Variants in UNC13C observed in about 807,000 individuals in gnomAD.
The protein encoded by UNC13C is protein unc-13 homolog C.
Under a neutral mutation model 245.4 loss-of-function variants are expected in UNC13C, and 174 were observed. That is an observed-to-expected ratio of 0.71 (90% CI 0.63 to 0.80). The LOEUF (loss-of-function observed/expected upper bound fraction) is 0.80, where lower values mean the gene tolerates loss of function less well. Among genes scored for constraint, UNC13C ranks in the 30% least tolerant of loss-of-function variants. The probability of loss-of-function intolerance (pLI) is 0.00; values close to 1 mark genes in which losing one functional copy is unlikely to be tolerated. For synonymous variants in UNC13C, 992 were observed against 895.1 expected, an observed-to-expected ratio of 1.11 and a Z score of -1.93; for missense variants, 2,829 against 2,602.9, an observed-to-expected ratio of 1.09 and a Z score of -1.89.
At chr15:53,888,815 C>G in the UNC13C span, among the ~76,000 whole-genome samples, 1 of 152,150 alleles carries the variant, frequency 6.6e-6, no homozygotes, top group African/African-American at 2.4e-5. Context: ...GTATCTTTTC[C>G]CCATTGCTTA....
chr15:54,203,926 G>A (rs2034623931), intron 4 of UNC13C, among the ~76,000 whole-genome samples: 1 of 130,962 alleles, frequency 7.6e-6, no homozygotes. Flanking sequence ...ATGTATATGT[G>A]TATATATACA....
intron 4 of UNC13C, among the ~76,000 whole-genome samples, chr15:54,162,712 T>C (rs991108354): frequency 3.9e-5 from 6 of 152,222 alleles, no homozygotes; most frequent in African/African-American, 1.4e-4. Flanking sequence ...CAAACTACTT[T>C]ATACTTTAGT....
intron 4 of UNC13C, among the ~76,000 whole-genome samples, chr15:54,176,288 A>G (rs1262801377): frequency 1.3e-5 from 2 of 152,116 alleles, no homozygotes; most frequent in Non-Finnish European, 2.9e-5. Context: ...CATATTGTGG[A>G]CCAGTGGCTT....
At chr15:54,465,405 A>G (rs1391465197) in intron 19 of UNC13C, among the ~76,000 whole-genome samples, 1 of 152,074 alleles carries the variant, frequency 6.6e-6, no homozygotes, top group Non-Finnish European at 1.5e-5. Context: ...ATACTTTGGT[A>G]GATATGATAA....
At position 54,015,830 on chromosome 15, in the gene UNC13C, C is replaced by G. The variant is rs779167860; in HGVS notation, c.2927C>G (p.Ala976Gly). The G allele has an allele frequency of 2.5e-6, 4 of 1,608,514 alleles. No homozygotes were observed. The Admixed American group carries it at 5.1e-5, about 21-fold the overall frequency. The change falls in exon 2 of 33, where the codon GCT (alanine) becomes GGT (glycine). Residue 976 changes from alanine (A) to glycine (G), a missense_variant. Ala to Gly is a moderately conservative substitution (Grantham distance 60, BLOSUM62 0). Coordinates refer to ENST00000260323, the MANE Select transcript of UNC13C (RefSeq NM_001080534.3). Reference protein sequence around the residue: ...KRIRPSFKEAALRAYKKQMAE... With the variant: ...KRIRPSFKEAGLRAYKKQMAE... ...ATTCGTCCTTCTTTCAAAGAAGCAG[C>G]TTTAAGGGCCTATAAAAAGCAAATG...
At chr15:54,458,979 GATT>G (rs1891689754) in intron 19 of UNC13C, among the ~76,000 whole-genome samples, 1 of 151,740 alleles carries the variant, frequency 6.6e-6, no homozygotes, top group African/African-American at 2.4e-5. Flanking sequence ...TTGTGTTATT[GATT>G]TATAGGTCCT....
intron 6 of UNC13C, among the ~76,000 whole-genome samples, chr15:54,237,068 C>T (rs1199642103): frequency 6.6e-6 from 1 of 151,940 alleles, no homozygotes; most frequent in East Asian, 1.9e-4. Context: ...CTCAAGTTAC[C>T]AGCATCGAGT....
At chr15:53,943,035 T>C in the UNC13C span, among the ~76,000 whole-genome samples, 1 of 152,216 alleles carries the variant, frequency 6.6e-6, no homozygotes, top group African/African-American at 2.4e-5. Context: ...CATGTTAGTT[T>C]ATATTTTATT....
intron 19 of UNC13C, among the ~76,000 whole-genome samples, chr15:54,431,887 C>A (rs1237137456): frequency 5.3e-5 from 8 of 151,644 alleles, no homozygotes; most frequent in Non-Finnish European, 4.4e-5. Context: ...GAAAATAATT[C>A]ATATATTCCT....
intron 4 of UNC13C, among the ~76,000 whole-genome samples, chr15:54,231,709 A>G (rs2140817312): frequency 6.6e-6 from 1 of 152,156 alleles, no homozygotes; most frequent in Non-Finnish European, 1.5e-5. Flanking sequence ...ACAGTCAATG[A>G]CATCTTAAAA....
At chr15:53,916,893 C>T in the UNC13C span, among the ~76,000 whole-genome samples, 3 of 152,170 alleles carry the variant, frequency 2.0e-5, no homozygotes, top group Admixed American at 2.0e-4. Flanking sequence ...TCTATATTCT[C>T]AGCAAGCATC....
At chr15:54,524,581 G>GT (rs1176569647) in intron 24 of UNC13C, among the ~76,000 whole-genome samples, 17 of 152,240 alleles carry the variant, frequency 1.1e-4, no homozygotes, top group African/African-American at 4.1e-4. Context: ...CAGTTCCTTA[G>GT]TATCAGAAAA....
intron 4 of UNC13C, among the ~76,000 whole-genome samples, chr15:54,213,198 G>A (rs8034881): frequency 0.86 from 129,903 of 151,880 alleles, 55,987 homozygotes; most frequent in African/African-American, 0.95. Flanking sequence ...ATATATTGAA[G>A]CATTAGGTTA....
At chr15:54,155,873 A>G (rs2032722695) in intron 4 of UNC13C, among the ~76,000 whole-genome samples, 1 of 152,236 alleles carries the variant, frequency 6.6e-6, no homozygotes, top group Non-Finnish European at 1.5e-5. Context: ...AAGCAGTACA[A>G]AACATGAGTT....
chr15:54,317,226 T>C, intron 13 of UNC13C, among the ~76,000 whole-genome samples: 1 of 151,998 alleles, frequency 6.6e-6, no homozygotes, highest in East Asian at 1.9e-4. Context: ...ATTACTTTTT[T>C]CTAACTTTTC....
the UNC13C span, among the ~76,000 whole-genome samples, chr15:53,859,920 T>C: frequency 1.3e-5 from 2 of 152,214 alleles, no homozygotes; most frequent in Non-Finnish European, 2.9e-5. Flanking sequence ...TTTCTCTGGT[T>C]CTTTAGGGTG....
chr15:54,030,171 T>C (rs1896297229), intron 2 of UNC13C, among the ~76,000 whole-genome samples: 1 of 152,106 alleles, frequency 6.6e-6, no homozygotes, highest in African/African-American at 2.4e-5. Flanking sequence ...AGGGACCACC[T>C]TCCAAACTAC....
At chr15:54,038,124 A>ATATATATATTTTTTTTTTTTTTTTTTTT in intron 2 of UNC13C, among the ~76,000 whole-genome samples, 1 of 45,040 alleles carries the variant, frequency 2.2e-5, no homozygotes, top group African/African-American at 1.1e-4. Context: ...ATATATATAT[A>ATATATATATTTTTTTTTTTTTTTTTTTT]TTTTTTTTTT....
At chr15:54,076,501 A>G in intron 2 of UNC13C, among the ~76,000 whole-genome samples, 1 of 151,992 alleles carries the variant, frequency 6.6e-6, no homozygotes, top group East Asian at 1.9e-4. Context: ...TTTAATTTCC[A>G]TTTAAATGCT....
Sources: gnomAD v4.1 joint callset for allele counts (sites outside exome capture counted in the v4.1 genomes callset) on GRCh38, gnomAD v4.1.1 for gene constraint, MANE v1.5 for transcripts, NCBI Gene and HGNC (gene_info 2026-07-23, HGNC 2026-07-21) for gene names.